The following NALCN variants were observed in gnomAD, a reference collection of about 807,000 sequenced individuals.
The protein encoded by NALCN is sodium leak channel, non-selective, also known as sodium leak channel NALCN.
In NALCN, 111 loss-of-function variants were observed where a neutral mutation model predicts 225.3. That is an observed-to-expected ratio of 0.49 (90% CI 0.42 to 0.58). The LOEUF (loss-of-function observed/expected upper bound fraction) is 0.58. NALCN is among the 20% of genes least tolerant of loss of function. NALCN has a pLI of 0.00. For missense variants in NALCN, 1,378 were observed against 2,202.4 expected (o/e 0.63, Z 7.49); for synonymous variants, 764 against 769.0 (o/e 0.99, Z 0.11).
At position 101,102,292 on chromosome 13, in the gene NALCN, GA is replaced by G. The variant is rs1011594132; in HGVS notation, c.3057+879del. Among the ~76,000 whole-genome samples, 18 of 146,866 alleles carry G rather than the reference GA, an allele frequency of 1.2e-4. No homozygotes were observed. In the East Asian group the frequency reaches 2.4e-3, roughly 20 times the overall value. ...AGCAAGATTCTGTCTCAAAAAAAAA[GA>G]AAAAAAAAGTCAGTAATGATATATA... is the stretch of plus-strand genomic sequence containing the variant. On this transcript the variant is annotated intron_variant, in intron 26 of 43. Transcript: ENST00000251127.
intron 15 of NALCN, among the ~76,000 whole-genome samples, chr13:101,170,974 A>G (rs2038684033): frequency 6.6e-6 from 1 of 152,190 alleles, no homozygotes; most frequent in Non-Finnish European, 1.5e-5. Flanking sequence ...CTTCATATTC[A>G]AACCTTGCAA....
At chr13:101,076,464 A>C (rs2033259401) in intron 34 of NALCN, among the ~76,000 whole-genome samples, 1 of 152,222 alleles carries the variant, frequency 6.6e-6, no homozygotes, top group Non-Finnish European at 1.5e-5. Context: ...GCAGGAAGAG[A>C]TGACTGCACT....
intron 39 of NALCN, among the ~76,000 whole-genome samples, chr13:101,065,927 G>A (rs1270463140): frequency 6.6e-6 from 1 of 152,120 alleles, no homozygotes; most frequent in African/African-American, 2.4e-5. Context: ...CACTGAGTGG[G>A]CCATAATGTA....
intron 37 of NALCN, among the ~76,000 whole-genome samples, chr13:101,073,146 A>G (rs1160145210): frequency 6.6e-6 from 1 of 152,310 alleles, no homozygotes; most frequent in Non-Finnish European, 1.5e-5. Context: ...AGTATAAAGT[A>G]TACTTTATAG....
In NALCN at chr13:101,201,894, C is replaced by T. The variant is rs117272931; in HGVS notation, c.1627-9840G>A. 6.1e-3 allele frequency among the ~76,000 whole-genome samples: 921 copies of T among 152,214 alleles called. 2 individuals are homozygous for T. Among genetic ancestry groups the T allele is most frequent in the Admixed American group, 0.011 (168 of 15,274 alleles). On this transcript the variant is annotated intron_variant, in intron 13 of 43. Transcript: ENST00000251127. ...CTACTTGATGATTTATATAGTAGCT[C>T]AACCTTTTTATTGAGAGAGTCCCTG...
intron 11 of NALCN, among the ~76,000 whole-genome samples, chr13:101,243,153 A>T: frequency 1.2e-5 from 1 of 82,408 alleles, no homozygotes; most frequent in Non-Finnish European, 2.6e-5. Flanking sequence ...CTTTTCTTCT[A>T]TCTGTTCGCT....
intron 12 of NALCN, among the ~76,000 whole-genome samples, chr13:101,230,674 T>G (rs1291249681): frequency 1.3e-5 from 2 of 152,206 alleles, no homozygotes; most frequent in African/African-American, 4.8e-5. Flanking sequence ...ACAGGTCCTG[T>G]CCAACCCGAC....
At chr13:101,199,610 G>C (rs1048727289) in intron 13 of NALCN, among the ~76,000 whole-genome samples, 7 of 135,654 alleles carry the variant, frequency 5.2e-5, no homozygotes, top group Non-Finnish European at 1.1e-4. Flanking sequence ...GAGAACACTT[G>C]GACACAGGAA....
intron 9 of NALCN, among the ~76,000 whole-genome samples, chr13:101,284,659 A>C (rs2043278948): frequency 6.6e-6 from 1 of 152,238 alleles, no homozygotes; most frequent in Admixed American, 6.5e-5. Flanking sequence ...CCTGCTCAGC[A>C]GAAATTTTAT....
At chr13:101,277,721 T>C (rs538109961) in intron 10 of NALCN, among the ~76,000 whole-genome samples, 23 of 152,360 alleles carry the variant, frequency 1.5e-4, no homozygotes, top group Non-Finnish European at 2.9e-4. Context: ...TTATTACTTG[T>C]TTATTTATTT....
intron 18 of NALCN, chr13:101,117,042 G>GGATA (rs2035752393): frequency 2.1e-6 from 1 of 480,412 alleles, no homozygotes; most frequent in Non-Finnish European, 4.2e-6. Flanking sequence ...TTATCCTAGT[G>GGATA]GATACCCCAC....
chr13:101,215,460 A>G (rs1228115158), intron 13 of NALCN, among the ~76,000 whole-genome samples: 1 of 152,132 alleles, frequency 6.6e-6, no homozygotes, highest in Non-Finnish European at 1.5e-5. Context: ...GAATGTGGGC[A>G]TGGTGTAATA....
chr13:101,416,131 C>T (rs1233498333), intron 1 of NALCN, among the ~76,000 whole-genome samples, 182 bp downstream of exon 1: 3 of 151,768 alleles, frequency 2.0e-5, no homozygotes, highest in Non-Finnish European at 4.4e-5. Flanking sequence ...CCTCCCCACC[C>T]CTCCCCCGCG....
At chr13:101,298,160 G>A (rs1284341096) in intron 7 of NALCN, among the ~76,000 whole-genome samples, 1 of 152,210 alleles carries the variant, frequency 6.6e-6, no homozygotes, top group Non-Finnish European at 1.5e-5. Context: ...CATTTGCAAT[G>A]ACTAAATATT....
rs1247631762 is a variant in NALCN, at chr13:101,081,587, T to C, written c.3825A>G (p.Arg1275=). The part of the protein sequence containing the change: ...PAGFWQSRRN[R]YDLLVTSLGV... ...CAAGCGACGTCACCAGGAGATCGTA[T>C]CGGTTTCTTCTGCTTTGCCAGAAGC... The change falls in exon 34 of 44, where the codon CGA becomes CGG. Residue 1275 remains arginine (R), a synonymous_variant. Transcript: ENST00000251127. 2.5e-6 allele frequency: 4 copies of C among 1,614,146 alleles called. No individual in the cohort carries two copies. The highest frequency in any genetic ancestry group is 1.1e-5 in the South Asian group (1 of 91,076).
At chr13:101,228,662 T>C (rs991331986) in intron 13 of NALCN, among the ~76,000 whole-genome samples, 1 of 152,202 alleles carries the variant, frequency 6.6e-6, no homozygotes, top group Non-Finnish European at 1.5e-5. Context: ...TTAAACCTCT[T>C]TTTCTTTATA....
At chr13:101,084,316 T>A (rs1380516731) in intron 30 of NALCN, among the ~76,000 whole-genome samples, 1 of 152,210 alleles carries the variant, frequency 6.6e-6, no homozygotes, top group Non-Finnish European at 1.5e-5. Flanking sequence ...CTAAATGGAA[T>A]TCCATATTCT....
intron 34 of NALCN, among the ~76,000 whole-genome samples, chr13:101,077,285 G>C (rs1034813382): frequency 2.0e-5 from 3 of 152,200 alleles, no homozygotes; most frequent in African/African-American, 4.8e-5. Context: ...CGTACTTAGA[G>C]TGGGGGGCTA....
chr13:101,266,017 A>G (rs911830533), intron 10 of NALCN, among the ~76,000 whole-genome samples: 1 of 152,222 alleles, frequency 6.6e-6, no homozygotes, highest in Non-Finnish European at 1.5e-5. Flanking sequence ...TTTTGAAGAC[A>G]GGATGAACTG....
Sources: gnomAD v4.1 joint callset for allele counts (sites outside exome capture counted in the v4.1 genomes callset) on GRCh38, gnomAD v4.1.1 for gene constraint, MANE v1.5 for transcripts, NCBI Gene and HGNC (gene_info 2026-07-23, HGNC 2026-07-21) for gene names.